Variants in ZNF563 observed in about 807,000 individuals in gnomAD.
ZNF563 encodes the protein zinc finger protein 563.
ZNF563 carries 39 observed loss-of-function variants against 48.5 expected under a neutral mutation model. The observed-to-expected ratio is 0.80, with a 90% CI of 0.62 to 1.05. ZNF563 has a LOEUF of 1.05. ZNF563 is among the 50% of genes least tolerant of loss of function. ZNF563 has a pLI of 0.00. For synonymous variants in ZNF563, 168 were observed against 187.9 expected (o/e 0.89, Z 0.87); for missense variants, 538 against 597.0 (o/e 0.90, Z 1.03).
the ZNF563 span, among the ~76,000 whole-genome samples, chr19:12,345,045 T>G: frequency 6.6e-6 from 1 of 152,204 alleles, no homozygotes; most frequent in Non-Finnish European, 1.5e-5. Context: ...ATCAGTGATG[T>G]GTACATTGAA....
At chr19:12,325,286 T>C (rs990827951) in intron 1 of ZNF563, among the ~76,000 whole-genome samples, 4 of 151,958 alleles carry the variant, frequency 2.6e-5, no homozygotes, top group African/African-American at 9.7e-5. Flanking sequence ...TTGAGACCAG[T>C]CTGGCCAACA....
chr19:12,340,276 G>A, the ZNF563 span, among the ~76,000 whole-genome samples: 7,419 of 152,304 alleles, frequency 0.049, 599 homozygotes, highest in African/African-American at 0.17. Context: ...GGAGGTTGCA[G>A]TGAGCCGAGA....
At chr19:12,332,541 G>A (rs1968948578) in intron 1 of ZNF563, among the ~76,000 whole-genome samples, 1 of 151,912 alleles carries the variant, frequency 6.6e-6, no homozygotes, top group Non-Finnish European at 1.5e-5. Context: ...AGTAGAGAAG[G>A]GGTTTCGCCA....
In ZNF563 at chr19:12,333,620, C is replaced by T; in HGVS notation, c.-138G>A. The T allele has an allele frequency of 1.5e-6, 2 of 1,320,702 alleles. No individual in the cohort carries two copies. The highest frequency in any genetic ancestry group is 2.5e-5 in the East Asian group (1 of 39,826). 81.8% of individuals were successfully genotyped at this position (1,320,702 alleles called of 1,614,324 possible). A position where few individuals can be genotyped will look rare whatever the true frequency, so the allele number is the denominator to read the frequency against. On this transcript the variant is annotated 5_prime_UTR_variant, in exon 1 of 4. Transcript: ENST00000293725. ...GCTACACAGACGTTCCAGGGCGTCT[C>T]TCAGCGAGCGACTGAGTCTAGAGCT...
the ZNF563 span, among the ~76,000 whole-genome samples, chr19:12,344,479 T>A: frequency 1.3e-5 from 2 of 152,100 alleles, no homozygotes; most frequent in African/African-American, 4.8e-5. Flanking sequence ...ATTTATCATC[T>A]CAAATGATAC....
chr19:12,339,280 T>C, the ZNF563 span, among the ~76,000 whole-genome samples: 68 of 142,378 alleles, frequency 4.8e-4, no homozygotes, highest in African/African-American at 1.7e-3. Context: ...TTTCTTTTTT[T>C]TTTTTTTTTT....
the ZNF563 span, among the ~76,000 whole-genome samples, chr19:12,343,725 CT>C: frequency 0.021 from 2,366 of 110,880 alleles, 21 homozygotes; most frequent in African/African-American, 0.074. Context: ...AGCATAAATT[CT>C]TTTTTTTTTT....
intron 1 of ZNF563, 121 bp downstream of exon 1, chr19:12,333,359 G>A (rs1968969905): frequency 2.9e-6 from 4 of 1,367,590 alleles, no homozygotes; most frequent in South Asian, 2.6e-5. Flanking sequence ...CTGCGCCAGG[G>A]GGACTCGGGT....
At chr19:12,331,985 A>C (rs1445960444) in intron 1 of ZNF563, among the ~76,000 whole-genome samples, 1 of 152,196 alleles carries the variant, frequency 6.6e-6, no homozygotes, top group Non-Finnish European at 1.5e-5. Context: ...CTGCATCCTC[A>C]CATATGAAAT....
the ZNF563 span, among the ~76,000 whole-genome samples, chr19:12,343,725 CTTTT>C: frequency 2.7e-5 from 3 of 110,884 alleles, no homozygotes; most frequent in Non-Finnish European, 1.8e-5. Flanking sequence ...AGCATAAATT[CTTTT>C]TTTTTTTTTT....
the ZNF563 span, among the ~76,000 whole-genome samples, chr19:12,343,007 C>T: frequency 8.4e-3 from 1,275 of 150,926 alleles, 21 homozygotes; most frequent in African/African-American, 0.029. Context: ...ACCAGCCTGG[C>T]CAACATGGTG....
intron 2 of ZNF563, among the ~76,000 whole-genome samples, chr19:12,322,275 C>T (rs187601177): frequency 2.0e-5 from 3 of 152,128 alleles, no homozygotes; most frequent in South Asian, 2.1e-4. Flanking sequence ...AGGCTGGTCT[C>T]GAACTCCTGA....
the ZNF563 span, among the ~76,000 whole-genome samples, chr19:12,345,508 T>C: frequency 1.6e-4 from 24 of 152,304 alleles, no homozygotes; most frequent in East Asian, 4.6e-3. Context: ...AAAATGGTGT[T>C]GGGAAAACTG....
At chr19:12,346,966 G>C in the ZNF563 span, 3 of 152,146 alleles carry the variant, frequency 2.0e-5, no homozygotes, top group Admixed American at 2.0e-4. Context: ...TACATGTATG[G>C]AACACTAAGT....
chr19:12,333,670 C>T (rs1049422726), upstream of ZNF563: 6 of 843,434 alleles, frequency 7.1e-6, no homozygotes, highest in Non-Finnish European at 8.7e-6. Context: ...GAAGACGCCG[C>T]GGGCTCTTTG....
Position 12,333,626 on chromosome 19 carries a change from G to T in ZNF563, c.-144C>A, listed in dbSNP as rs1968978023. On this transcript the variant is annotated 5_prime_UTR_variant, in exon 1 of 4. Coordinates refer to ENST00000293725, the MANE Select transcript of ZNF563 (RefSeq NM_145276.3). Reference sequence around the variant, plus strand: ...CAGACGTTCCAGGGCGTCTCTCAGCGAGCGACTGAGTCTAGAGCTGAGCGC... The same window carrying T: ...CAGACGTTCCAGGGCGTCTCTCAGCTAGCGACTGAGTCTAGAGCTGAGCGC... 3 of 1,258,734 alleles carry T rather than the reference G, an allele frequency of 2.4e-6. No individual in the cohort carries two copies. The highest frequency in any genetic ancestry group is 2.9e-5 in the South Asian group (2 of 69,008). 78.0% of individuals were successfully genotyped at this position (1,258,734 alleles called of 1,614,324 possible). A position where few individuals can be genotyped will look rare whatever the true frequency, so the allele number is the denominator to read the frequency against.
chr19:12,347,276 C>T, the ZNF563 span: 21 of 152,146 alleles, frequency 1.4e-4, no homozygotes, highest in African/African-American at 5.1e-4. Flanking sequence ...TCTCAGTGAC[C>T]TGTGACACAG....
chr19:12,329,472 CAAAAAA>C (rs754295632), intron 1 of ZNF563, among the ~76,000 whole-genome samples: 1 of 75,924 alleles, frequency 1.3e-5, no homozygotes, highest in African/African-American at 4.6e-5. Context: ...GACTCCATCT[CAAAAAA>C]AAAAAAAAAA....
chr19:12,338,614 G>C (rs28809496), upstream of ZNF563, among the ~76,000 whole-genome samples: 7,389 of 152,156 alleles, frequency 0.049, 596 homozygotes, highest in African/African-American at 0.17. Flanking sequence ...AGCACTTTGG[G>C]AGGCCGAAGT....
Sources: gnomAD v4.1 joint callset for allele counts (sites outside exome capture counted in the v4.1 genomes callset) on GRCh38, gnomAD v4.1.1 for gene constraint, MANE v1.5 for transcripts, NCBI Gene and HGNC (gene_info 2026-07-23, HGNC 2026-07-21) for gene names.